Variants in CACNA2D3 observed in about 807,000 individuals in gnomAD.
The protein encoded by CACNA2D3 is voltage-dependent calcium channel subunit alpha-2/delta-3.
In CACNA2D3, 60 loss-of-function variants were observed where a neutral mutation model predicts 160.6. The observed-to-expected ratio is 0.37, with a 90% CI of 0.30 to 0.46. The LOEUF is 0.46. Among genes scored for constraint, CACNA2D3 ranks in the 20% least tolerant of loss-of-function variants. The probability of loss-of-function intolerance (pLI) is 1.00; values close to 1 mark genes in which losing one functional copy is unlikely to be tolerated. For synonymous variants in CACNA2D3, 558 were observed against 492.9 expected (o/e 1.13, Z -1.75); for missense variants, 1,205 against 1,365.0 (o/e 0.88, Z 1.85).
chr3:54,480,276 G>T (rs775496659), intron 4 of CACNA2D3, among the ~76,000 whole-genome samples: 1 of 152,160 alleles, frequency 6.6e-6, no homozygotes, highest in South Asian at 2.1e-4. Context: ...CTGACCCTCA[G>T]GATGTATTTC....
intron 2 of CACNA2D3, among the ~76,000 whole-genome samples, chr3:54,300,875 G>C (rs1475184129): frequency 6.6e-6 from 1 of 152,064 alleles, no homozygotes; most frequent in Non-Finnish European, 1.5e-5. Context: ...TAAAAAATTA[G>C]CTGGGCATGG....
chr3:54,303,818 G>GTTTTTTGTTTTTTTTTTTTTTTTTTTTT lies in CACNA2D3; in HGVS notation c.205-16618_205-16617insGTTTTTTTTTTTTTTTTTTTTTTTTTTT, dbSNP rs59534343. ...CAGCCTCATCAGTGACTTTTTTTCT[G>GTTTTTTGTTTTTTTTTTTTTTTTTTTTT]TTTTTTTTTTTTTTTTTTTTCTATT... On this transcript the variant is annotated intron_variant, in intron 2 of 37. Transcript: ENST00000474759. 7.0e-5 allele frequency among the ~76,000 whole-genome samples: 8 copies of GTTTTTTGTTTTTTTTTTTTTTTTTTTTT among 115,006 alleles called. 1 individual carries two copies. The highest frequency in any genetic ancestry group is 5.1e-5 in the Non-Finnish European group (3 of 58,438). The allele number at this position is 115,006 out of a possible 152,430, so 75.4% of individuals were successfully genotyped here.
At chr3:54,868,462 A>G (rs115644616) in intron 17 of CACNA2D3, among the ~76,000 whole-genome samples, 168 of 152,262 alleles carry the variant, frequency 1.1e-3, no homozygotes, top group Non-Finnish European at 2.1e-3. Flanking sequence ...TCACTCTCTA[A>G]TCATTCCAAG....
chr3:54,667,455 G>A (rs1700087209), intron 11 of CACNA2D3, among the ~76,000 whole-genome samples: 1 of 152,140 alleles, frequency 6.6e-6, no homozygotes, highest in South Asian at 2.1e-4. Context: ...TGCTTGCCAT[G>A]GTTAGATAAA....
At chr3:54,175,636 C>G (rs916814518) in intron 2 of CACNA2D3, among the ~76,000 whole-genome samples, 1 of 136,746 alleles carries the variant, frequency 7.3e-6, no homozygotes, top group Non-Finnish European at 1.6e-5. Context: ...AAAAAAAAAG[C>G]AGATTAATTG....
intron 27 of CACNA2D3, chr3:54,918,972 G>C (rs1431736659): frequency 8.3e-7 from 1 of 1,207,604 alleles, no homozygotes; most frequent in African/African-American, 1.6e-5. Flanking sequence ...CAAAAACTTA[G>C]GCAGATGGAA....
At chr3:54,365,524 T>G (rs1698813611) in intron 3 of CACNA2D3, among the ~76,000 whole-genome samples, 1 of 152,196 alleles carries the variant, frequency 6.6e-6, no homozygotes, top group African/African-American at 2.4e-5. Context: ...CTATTTTCAC[T>G]GAGTAATGAC....
At chr3:54,390,674 G>A (rs9862718) in intron 4 of CACNA2D3, among the ~76,000 whole-genome samples, 36,322 of 152,116 alleles carry the variant, frequency 0.24, 4,448 homozygotes, top group Middle Eastern at 0.32. Flanking sequence ...TGCATGGAAG[G>A]ATTTGTCTTG....
At chr3:54,918,316 C>G (rs1700713563) in intron 27 of CACNA2D3, 2 of 759,894 alleles carry the variant, frequency 2.6e-6, no homozygotes, top group Non-Finnish European at 4.1e-6. Context: ...TTTTTACAGA[C>G]ACATCTTTTT....
At chr3:54,393,308 C>T (rs1197763985) in intron 4 of CACNA2D3, among the ~76,000 whole-genome samples, 1 of 152,222 alleles carries the variant, frequency 6.6e-6, no homozygotes, top group Non-Finnish European at 1.5e-5. Context: ...GGTGTCCACA[C>T]AGCTGCACTT....
chr3:54,228,716 A>G (rs1701717088), intron 2 of CACNA2D3, among the ~76,000 whole-genome samples: 1 of 152,234 alleles, frequency 6.6e-6, no homozygotes, highest in African/African-American at 2.4e-5. Flanking sequence ...CAAGGTGTAC[A>G]CTGTGGAAAC....
Position 54,497,228 on chromosome 3 carries a change from A to G in CACNA2D3, c.382-6264A>G, listed in dbSNP as rs1435334338. On this transcript the variant is annotated intron_variant, in intron 4 of 37. Coordinates refer to ENST00000474759, the MANE Select transcript of CACNA2D3 (RefSeq NM_018398.3). ...TTGCGTCATAAAATAGAATTCTCCA[A>G]TTTTTGAGCAAGCTATCTCTCTCCA... Among the ~76,000 whole-genome samples the G allele has an allele frequency of 2.6e-5, 4 of 152,068 alleles. No homozygotes were observed. In the East Asian group the frequency reaches 5.8e-4, roughly 22 times the overall value.
chr3:54,563,991 C>T (rs184838996), intron 6 of CACNA2D3, among the ~76,000 whole-genome samples: 2 of 152,320 alleles, frequency 1.3e-5, no homozygotes, highest in African/African-American at 2.4e-5. Context: ...AATAAGCATC[C>T]TATTAAAGAT....
In CACNA2D3 at chr3:54,307,025, A is replaced by G. The variant is rs571770175; in HGVS notation, c.205-13417A>G. Among the ~76,000 whole-genome samples, 82 of 152,134 alleles carry G rather than the reference A, an allele frequency of 5.4e-4. 1 individual carries two copies. The highest frequency in any genetic ancestry group is 1.9e-3 in the African/African-American group (80 of 41,490). On this transcript the variant is annotated intron_variant, in intron 2 of 37. Coordinates refer to ENST00000474759, the MANE Select transcript of CACNA2D3 (RefSeq NM_018398.3). The stretch of plus-strand genomic sequence containing the variant: ...ACCAAGAAGTGGCTGACTTCTTAGG[A>G]TGGGATGGAAGCTCTGCCGTCTGAT...
intron 10 of CACNA2D3, chr3:54,634,471 T>G (rs1699317672): frequency 6.6e-6 from 1 of 152,236 alleles, no homozygotes; most frequent in Non-Finnish European, 1.5e-5. Context: ...CTTGTTTTTG[T>G]ATGTCTTCCC....
chr3:54,738,914 G>A (rs772971484), intron 11 of CACNA2D3, among the ~76,000 whole-genome samples: 5 of 152,088 alleles, frequency 3.3e-5, no homozygotes, highest in East Asian at 3.9e-4. Flanking sequence ...TACTTTGGGC[G>A]GCCGAGGCTA....
intron 2 of CACNA2D3, among the ~76,000 whole-genome samples, chr3:54,249,328 A>G (rs1183146756): frequency 6.6e-6 from 1 of 152,154 alleles, no homozygotes; most frequent in Non-Finnish European, 1.5e-5. Context: ...AACAATGAGT[A>G]AACAGATTGC....
At chr3:54,850,355 G>T (rs1699031014) in intron 17 of CACNA2D3, among the ~76,000 whole-genome samples, 1 of 152,168 alleles carries the variant, frequency 6.6e-6, no homozygotes. Flanking sequence ...AAATGCTCTT[G>T]ATCTTGAGAA....
intron 4 of CACNA2D3, among the ~76,000 whole-genome samples, chr3:54,476,215 A>G (rs1700828456): frequency 6.7e-6 from 1 of 148,464 alleles, no homozygotes; most frequent in South Asian, 2.1e-4. Flanking sequence ...ATATATGAAT[A>G]TTATATTAAT....
Sources: gnomAD v4.1 joint callset for allele counts (sites outside exome capture counted in the v4.1 genomes callset) on GRCh38, gnomAD v4.1.1 for gene constraint, MANE v1.5 for transcripts, NCBI Gene and HGNC (gene_info 2026-07-23, HGNC 2026-07-21) for gene names.